Variants in ZNF100 observed in about 807,000 individuals in gnomAD.
The protein encoded by ZNF100 is zinc finger protein 100 (Y1).
Under a neutral mutation model 15.8 loss-of-function variants are expected in ZNF100, and 12 were observed. The ratio of observed to expected loss-of-function variants is 0.76; its 90% CI spans 0.49 to 1.23. The LOEUF (loss-of-function observed/expected upper bound fraction) is 1.23. Among genes scored for constraint, ZNF100 ranks in the 50% most tolerant of loss-of-function variants. The pLI is 0.00. For missense variants in ZNF100, 670 were observed against 635.6 expected, an observed-to-expected ratio of 1.05 and a Z score of -0.58; for synonymous variants, 226 against 214.8, an observed-to-expected ratio of 1.05 and a Z score of -0.45.
intron 2 of ZNF100, among the ~76,000 whole-genome samples, chr19:21,750,317 G>GA (rs1401603276): frequency 6.6e-6 from 1 of 152,052 alleles, no homozygotes; most frequent in East Asian, 1.9e-4. Context: ...AAAATATTGA[G>GA]AAAAAGGGAC....
intron 2 of ZNF100, among the ~76,000 whole-genome samples, chr19:21,758,502 CTGAT>C (rs2145740743): frequency 6.6e-6 from 1 of 152,244 alleles, no homozygotes; most frequent in Non-Finnish European, 1.5e-5. Flanking sequence ...GCGCTGTACT[CTGAT>C]TTATTTCTGG....
intron 4 of ZNF100, among the ~76,000 whole-genome samples, chr19:21,739,732 T>C (rs1272480079): frequency 6.6e-6 from 1 of 152,168 alleles, no homozygotes; most frequent in Admixed American, 6.5e-5. Context: ...ACTACCATTT[T>C]GGGAGGCTGA....
In ZNF100 at chr19:21,726,709, ATGAGT is replaced by A. The variant is rs754433562; in HGVS notation, c.1598_1602del (p.Asn533IlefsTer55). The A allele has an allele frequency of 1.9e-6, 3 of 1,609,432 alleles. No individual in the cohort carries two copies. The highest frequency in any genetic ancestry group is 1.3e-5 in the African/African-American group (1 of 74,718). ...CACATTTGTAGGGTTTCTCTCCAGT[ATGAGT>A]TATTTTGTTTAATAAGGCTTAGGGA... is the stretch of plus-strand genomic sequence containing the variant. On this transcript the variant is annotated frameshift_variant, in exon 5 of 5. Transcript: ENST00000358296. LOFTEE classifies it high-confidence loss of function.
chr19:21,735,355 G>A (rs141125734), intron 4 of ZNF100, among the ~76,000 whole-genome samples: 2,876 of 152,098 alleles, frequency 0.019, 91 homozygotes, highest in African/African-American at 0.063. Context: ...TTAGCAGGGC[G>A]TGGTGGTGGG....
intron 2 of ZNF100, among the ~76,000 whole-genome samples, chr19:21,759,836 A>G (rs1294024921): frequency 2.0e-5 from 3 of 152,142 alleles, no homozygotes; most frequent in Non-Finnish European, 4.4e-5. Flanking sequence ...ATAACCATAA[A>G]AATGGGCAAC....
intron 2 of ZNF100, among the ~76,000 whole-genome samples, chr19:21,757,327 A>T (rs1476138671): frequency 6.6e-6 from 1 of 152,176 alleles, no homozygotes; most frequent in Non-Finnish European, 1.5e-5. Context: ...AGTTCCAGCT[A>T]CTCAAGAGGC....
Position 21,727,918 on chromosome 19 carries a change from G to C in ZNF100, c.394C>G (p.Leu132Val). Residue 132 changes from leucine (L) to valine (V), a missense_variant, in exon 5 of 5, where the codon CTG becomes GTG. Coordinates refer to ENST00000358296, the MANE Select transcript of ZNF100 (RefSeq NM_173531.4). ...TGTCCATATTTTCCATATTTTTTCAGAATCGCTTCTTGAAAAGAATCTTTA... is the reference window on the plus strand; with the variant it reads ...TGTCCATATTTTCCATATTTTTTCACAATCGCTTCTTGAAAAGAATCTTTA... Reference protein sequence around the residue: ...DIKDSFQEAILKKYGKYGHDN... With the variant: ...DIKDSFQEAIVKKYGKYGHDN... The C allele has an allele frequency of 3.8e-6, 6 of 1,594,588 alleles. No individual in the cohort carries two copies. The highest frequency in any genetic ancestry group is 5.1e-6 in the Non-Finnish European group (6 of 1,172,746).
chr19:21,731,815 C>G (rs1261517715), intron 4 of ZNF100, among the ~76,000 whole-genome samples: 2 of 152,090 alleles, frequency 1.3e-5, no homozygotes, highest in Non-Finnish European at 2.9e-5. Flanking sequence ...AAATAGAAAA[C>G]AAAGTGGTGT....
chr19:21,749,197 G>A (rs73022004), intron 2 of ZNF100, among the ~76,000 whole-genome samples: 19,830 of 151,728 alleles, frequency 0.13, 1,605 homozygotes, highest in Non-Finnish European at 0.18. Context: ...TTGAGTCACC[G>A]GACCTCCTCT....
chr19:21,751,020 G>A, intron 2 of ZNF100: 1 of 1,285,942 alleles, frequency 7.8e-7, no homozygotes, highest in Non-Finnish European at 1.1e-6. Context: ...CAGCGGGCGA[G>A]GGCCACCACC....
rs2036584909 is a variant in ZNF100, at chr19:21,767,490, G to C, written c.-61C>G. 3 of 1,612,592 alleles carry C rather than the reference G, an allele frequency of 1.9e-6. No homozygotes were observed. Among genetic ancestry groups the C allele is most frequent in the East Asian group, 2.2e-5 (1 of 44,838 alleles). ...TGGATCTCCCAATATCTGCAGGTCA[G>C]AGGGCCACACAGGCTAGGCCCCTAG... On this transcript the variant is annotated 5_prime_UTR_variant, in exon 1 of 5. Coordinates refer to ENST00000358296, the MANE Select transcript of ZNF100 (RefSeq NM_173531.4).
Position 21,726,470 on chromosome 19 carries a change from A to G in ZNF100, c.*213T>C, listed in dbSNP as rs1409438227. 3.9e-6 allele frequency: 2 copies of G among 517,892 alleles called. No individual in the cohort carries two copies. Among genetic ancestry groups the G allele is most frequent in the Admixed American group, 7.2e-5 (2 of 27,948 alleles). 32.1% of individuals were successfully genotyped at this position (517,892 alleles called of 1,614,324 possible). On this transcript the variant is annotated 3_prime_UTR_variant, in exon 5 of 5. Transcript: ENST00000358296. The stretch of plus-strand genomic sequence containing the variant: ...CTAGGATTTCTCAACACTATGATTT[A>G]TGTTTTGAAAAGTTTGAGGTGTTTT...
chr19:21,728,780 T>A (rs1410265317), intron 4 of ZNF100, among the ~76,000 whole-genome samples: 1 of 151,686 alleles, frequency 6.6e-6, no homozygotes, highest in African/African-American at 2.4e-5. Context: ...AAATATAAAA[T>A]TTTAAAAAAG....
chr19:21,736,126 T>A (rs10405142), intron 4 of ZNF100, among the ~76,000 whole-genome samples: 3 of 151,920 alleles, frequency 2.0e-5, no homozygotes, highest in Middle Eastern at 6.8e-3. Flanking sequence ...CTCACTCTGT[T>A]GCCCATGCTA....
At chr19:21,755,043 G>A (rs183171803) in intron 2 of ZNF100, among the ~76,000 whole-genome samples, 3,515 of 152,104 alleles carry the variant, frequency 0.023, 144 homozygotes, top group African/African-American at 0.081. Context: ...ACACTCAGCC[G>A]AGCTCACGCC....
chr19:21,764,455 A>G (rs1294930134), intron 2 of ZNF100, among the ~76,000 whole-genome samples: 4 of 152,086 alleles, frequency 2.6e-5, no homozygotes, highest in Non-Finnish European at 5.9e-5. Flanking sequence ...CAGCCTGACC[A>G]ACATAGTGAA....
At chr19:21,731,271 T>C (rs867137508) in intron 4 of ZNF100, among the ~76,000 whole-genome samples, 1 of 150,502 alleles carries the variant, frequency 6.6e-6, no homozygotes, top group African/African-American at 2.5e-5. Flanking sequence ...TTTTTACCAA[T>C]AGCAATGCAA....
chr19:21,761,019 A>C (rs528148635), intron 2 of ZNF100, among the ~76,000 whole-genome samples: 2 of 152,090 alleles, frequency 1.3e-5, no homozygotes, highest in Admixed American at 1.3e-4. Flanking sequence ...CAGCCTCCCA[A>C]AGTGCTGGCA....
chr19:21,735,341 A>T (rs1325031373), intron 4 of ZNF100, among the ~76,000 whole-genome samples: 1 of 152,066 alleles, frequency 6.6e-6, no homozygotes, highest in African/African-American at 2.4e-5. Flanking sequence ...AAAAATACAA[A>T]AAATTAGCAG....
Sources: gnomAD v4.1 joint callset for allele counts (sites outside exome capture counted in the v4.1 genomes callset) on GRCh38, gnomAD v4.1.1 for gene constraint, MANE v1.5 for transcripts, NCBI Gene and HGNC (gene_info 2026-07-23, HGNC 2026-07-21) for gene names.